COA8: variants seen among roughly 807,000 people sequenced by gnomAD.
The protein encoded by COA8 is cytochrome c oxidase assembly factor 8, also known as UPF0671 protein C14orf153.
Under a neutral mutation model 22.0 loss-of-function variants are expected in COA8, and 20 were observed. The ratio of observed to expected loss-of-function variants is 0.91; its 90% CI spans 0.64 to 1.32. COA8 has a LOEUF of 1.32. Ranked by LOEUF, COA8 falls within the 40% of genes most tolerant of loss-of-function variation. The probability of loss-of-function intolerance (pLI) is 0.00; values close to 1 mark genes in which losing one functional copy is unlikely to be tolerated. For missense variants in COA8, 266 were observed against 230.0 expected (o/e 1.16, Z -1.01); for synonymous variants, 105 against 79.9 (o/e 1.31, Z -1.68).
chr14:103,587,223 G>T (rs1173511285), intron 3 of COA8, 51 bp from the exon 4 acceptor site: 3 of 1,496,930 alleles, frequency 2.0e-6, no homozygotes, highest in Admixed American at 3.8e-5. Context: ...ATAGTTTTTT[G>T]TTTATCCTTT....
At chr14:103,579,161 C>G (rs1046253040) in intron 3 of COA8, among the ~76,000 whole-genome samples, 5 of 152,056 alleles carry the variant, frequency 3.3e-5, no homozygotes, top group Non-Finnish European at 5.9e-5. Context: ...AGTAGGCCCT[C>G]TTTATCCGAG....
At chr14:103,585,275 TC>T (rs2076297432) in intron 3 of COA8, among the ~76,000 whole-genome samples, 1 of 151,904 alleles carries the variant, frequency 6.6e-6, no homozygotes, top group Non-Finnish European at 1.5e-5. Context: ...GGTTGGGAGT[TC>T]GAGACCAGCC....
rs115698850 is a variant in COA8, at chr14:103,572,347, A to C, written c.321+527A>C. On this transcript the variant is annotated intron_variant, in intron 2 of 4. Coordinates refer to ENST00000409074, the MANE Select transcript of COA8 (RefSeq NM_001370595.2). ...GTCATTCGTAGAACCACAGATCTTG[A>C]GACTTTGAAGGATGCAATGTGTGAG... 3.0e-3 allele frequency among the ~76,000 whole-genome samples: 461 copies of C among 152,318 alleles called. 2 individuals carry two copies. Among genetic ancestry groups the C allele is most frequent in the African/African-American group, 0.011 (442 of 41,572 alleles).
In COA8 at chr14:103,581,385, C is replaced by T. The variant is rs540514583; in HGVS notation, c.386-5889C>T. Among the ~76,000 whole-genome samples, 6 of 152,134 alleles carry T rather than the reference C, an allele frequency of 3.9e-5. No homozygotes were observed. The East Asian group carries it at 7.7e-4, about 20-fold the overall frequency. On this transcript the variant is annotated intron_variant, in intron 3 of 4. Transcript: ENST00000409074. This position sits in a 1 kb window ranked among gnomAD's most constrained non-coding sequence, Gnocchi z 4.1. ...ACGACAGTGGATCTGATCACCGAGA[C>T]GGCTGCTGAGTAACTAACGAGTGGG...
chr14:103,575,142 G>A (rs2076221348), intron 3 of COA8, among the ~76,000 whole-genome samples: 1 of 152,268 alleles, frequency 6.6e-6, no homozygotes, highest in South Asian at 2.1e-4. Flanking sequence ...GTACGCATGT[G>A]TGTGCGTACG....
At chr14:103,574,332 C>T in intron 3 of COA8, 162 bp downstream of exon 3, 1 of 912,148 alleles carries the variant, frequency 1.1e-6, no homozygotes, top group East Asian at 2.5e-5. Flanking sequence ...CTCTTGCACA[C>T]CCAGTTCCCA....
At chr14:103,564,781 C>T (rs1265077561) in intron 1 of COA8, among the ~76,000 whole-genome samples, 1 of 151,832 alleles carries the variant, frequency 6.6e-6, no homozygotes, top group Non-Finnish European at 1.5e-5. Context: ...AGGGTTTCAC[C>T]TGTTGGCCAG....
At chr14:103,578,100 G>T (rs1307228278) in intron 3 of COA8, among the ~76,000 whole-genome samples, 2 of 151,772 alleles carry the variant, frequency 1.3e-5, no homozygotes, top group South Asian at 4.2e-4. Flanking sequence ...AGGCTGAGGT[G>T]GGAGGATCAC....
intron 3 of COA8, among the ~76,000 whole-genome samples, chr14:103,584,306 C>T (rs967088587): frequency 6.6e-6 from 1 of 152,074 alleles, no homozygotes; most frequent in Non-Finnish European, 1.5e-5. Context: ...AATCATTGGC[C>T]GTTGGTAATT....
At chr14:103,563,219 C>T (rs941372348) in intron 1 of COA8, 95 bp downstream of exon 1, 15 of 1,475,292 alleles carry the variant, frequency 1.0e-5, no homozygotes, top group Middle Eastern at 1.7e-4. Context: ...GCACAGCCGC[C>T]TCAGGCCTTT....
intron 3 of COA8, among the ~76,000 whole-genome samples, chr14:103,586,222 T>TA (rs1555414079): frequency 2.7e-5 from 4 of 145,772 alleles, no homozygotes; most frequent in African/African-American, 1.0e-4. Context: ...TTTTTTTTTT[T>TA]AACGAGACAG....
chr14:103,563,153 G>T, intron 1 of COA8, 29 bp downstream of exon 1: 1 of 1,539,596 alleles, frequency 6.5e-7, no homozygotes, highest in Non-Finnish European at 8.7e-7. Context: ...ACATTGGGCC[G>T]GGAGGGGTGA....
At position 103,574,111 on chromosome 14, in the gene COA8, AAG is replaced by A. The variant is rs2076211727; in HGVS notation, c.328_329del (p.Glu110ArgfsTer10). On this transcript the variant is annotated frameshift_variant, in exon 3 of 5. Coordinates refer to ENST00000409074, the MANE Select transcript of COA8 (RefSeq NM_001370595.2). LOFTEE classifies it high-confidence loss of function. The stretch of plus-strand genomic sequence containing the variant: ...TTTTTTTTTTTTTTTTTTAAGGAAA[AAG>A]AAGAATTTATTCACTCAAGACTAAA... 1 of 1,544,186 alleles carries A rather than the reference AAG, an allele frequency of 6.5e-7. No homozygotes were observed. The highest frequency in any genetic ancestry group is 8.7e-7 in the Non-Finnish European group (1 of 1,152,174).
chr14:103,587,331 G>C lies in COA8; in HGVS notation c.443G>C (p.Ser148Thr), dbSNP rs761843894. The change falls in exon 4 of 5, where the codon AGT (serine) becomes ACT (threonine). Residue 148 changes from serine to threonine, a missense_variant. Coordinates refer to ENST00000409074, the MANE Select transcript of COA8 (RefSeq NM_001370595.2). ...EMADFYKEFL[S>T]KNFQKHMYYN... The stretch of plus-strand genomic sequence containing the variant: ...GCGGACTTCTACAAGGAATTTTTAA[G>C]TAAAAATTTTCAGAAGCACATGTAT... The C allele has an allele frequency of 6.2e-7, 1 of 1,613,310 alleles. No individual in the cohort carries two copies. The highest frequency in any genetic ancestry group is 8.5e-7 in the Non-Finnish European group (1 of 1,179,584).
At chr14:103,573,358 T>C (rs1171195480) in intron 2 of COA8, among the ~76,000 whole-genome samples, 1 of 151,426 alleles carries the variant, frequency 6.6e-6, no homozygotes, top group Non-Finnish European at 1.5e-5. Flanking sequence ...TTAGAAGAGA[T>C]GGGGTTTCAC....
chr14:103,569,687 G>A (rs9652403), intron 1 of COA8, among the ~76,000 whole-genome samples: 1 of 152,058 alleles, frequency 6.6e-6, no homozygotes, highest in Non-Finnish European at 1.5e-5. Flanking sequence ...GGGGTGGACC[G>A]TGGTGCCGTC....
intron 3 of COA8, among the ~76,000 whole-genome samples, chr14:103,579,717 C>A (rs1332552004): frequency 6.6e-6 from 1 of 150,952 alleles, no homozygotes; most frequent in Non-Finnish European, 1.5e-5. Context: ...AATCCTAGCA[C>A]TTTGGGAGGC....
intron 3 of COA8, chr14:103,574,582 T>C (rs1421675103): frequency 2.8e-6 from 1 of 363,086 alleles, no homozygotes; most frequent in African/African-American, 2.1e-5. Context: ...GTTAAACAGA[T>C]GTCTGCTGCC....
intron 3 of COA8, among the ~76,000 whole-genome samples, chr14:103,585,474 C>T (rs1190122154): frequency 5.0e-5 from 5 of 99,518 alleles, no homozygotes; most frequent in African/African-American, 7.1e-5. Flanking sequence ...AGCGAAACTC[C>T]GTCTCAAAAA....
Sources: allele counts gnomAD v4.1 joint callset (sites outside exome capture counted in the v4.1 genomes callset), GRCh38; gene constraint gnomAD v4.1.1; non-coding constraint Gnocchi (gnomAD v3.1); transcripts MANE v1.5; gene names NCBI Gene and HGNC (gene_info 2026-07-23, HGNC 2026-07-21).